MYT1L: variants seen among roughly 807,000 people sequenced by gnomAD.
The protein encoded by MYT1L is myelin transcription factor 1 like, also known as myelin transcription factor 1-like protein.
MYT1L carries 12 observed loss-of-function variants against 126.7 expected under a neutral mutation model. The ratio of observed to expected loss-of-function variants is 0.09; its 90% confidence interval spans 0.06 to 0.15. The LOEUF (loss-of-function observed/expected upper bound fraction) is 0.15. MYT1L is among the 10% of genes least tolerant of loss of function. The pLI is 1.00. For synonymous variants in MYT1L, 541 were observed against 604.2 expected (o/e 0.90, Z 1.53); for missense variants, 979 against 1,585.2 (o/e 0.62, Z 6.49).
chr2:1,925,414 T>G (rs1196484235), intron 9 of MYT1L, among the ~76,000 whole-genome samples: 2 of 152,184 alleles, frequency 1.3e-5, no homozygotes, highest in Admixed American at 1.3e-4. Context: ...CATTGGTCAT[T>G]CTCCACATTC....
chr2:2,230,174 T>A (rs558664134), intron 2 of MYT1L, among the ~76,000 whole-genome samples: 7 of 152,196 alleles, frequency 4.6e-5, no homozygotes, highest in Non-Finnish European at 1.0e-4. Context: ...CATCAGCCAG[T>A]TGAATTTGTT....
At chr2:2,231,897 G>T (rs1231373820) in intron 2 of MYT1L, among the ~76,000 whole-genome samples, 1 of 152,094 alleles carries the variant, frequency 6.6e-6, no homozygotes, top group African/African-American at 2.4e-5. Flanking sequence ...TTTAGATTCT[G>T]GTTTGGTTTG....
At chr2:2,020,764 C>G (rs1443460912) in intron 4 of MYT1L, among the ~76,000 whole-genome samples, 1 of 152,208 alleles carries the variant, frequency 6.6e-6, no homozygotes, top group Non-Finnish European at 1.5e-5. Context: ...CCTAAGAAGG[C>G]TTTTCCTATT....
intron 3 of MYT1L, among the ~76,000 whole-genome samples, chr2:2,092,748 T>C (rs1416671780): frequency 6.6e-6 from 1 of 152,210 alleles, no homozygotes; most frequent in Non-Finnish European, 1.5e-5. Flanking sequence ...CATCCTAGCC[T>C]CCTTGCACTT....
At chr2:2,041,580 T>C (rs2067544215) in intron 4 of MYT1L, among the ~76,000 whole-genome samples, 1 of 152,226 alleles carries the variant, frequency 6.6e-6, no homozygotes, top group Admixed American at 6.5e-5. Flanking sequence ...CTCATGCTTC[T>C]GGGGCAGAGA....
At chr2:1,822,100 C>T (rs1318383855) in intron 21 of MYT1L, among the ~76,000 whole-genome samples, 1 of 152,194 alleles carries the variant, frequency 6.6e-6, no homozygotes, top group African/African-American at 2.4e-5. Context: ...TCTTTCTTCA[C>T]TCTTTCTCTC....
intron 21 of MYT1L, among the ~76,000 whole-genome samples, chr2:1,822,271 G>GTAATCTTATAAA (rs1406167574): frequency 6.6e-5 from 10 of 152,216 alleles, no homozygotes. Context: ...GGGTTTATAA[G>GTAATCTTATAAA]AGGAGAGTGG....
intron 24 of MYT1L, 88 bp from the exon 25 acceptor site, chr2:1,792,095 T>A: frequency 8.1e-7 from 1 of 1,240,504 alleles, no homozygotes; most frequent in Non-Finnish European, 1.1e-6. Flanking sequence ...CATAGCATAG[T>A]GCCCCTGGTT....
intron 4 of MYT1L, among the ~76,000 whole-genome samples, chr2:2,013,369 G>A (rs1453053310): frequency 1.3e-5 from 2 of 152,126 alleles, no homozygotes; most frequent in Non-Finnish European, 2.9e-5. Flanking sequence ...CAGCAATGGT[G>A]TCTGTGGGGC....
At chr2:1,814,182 T>A (rs2037261987) in intron 21 of MYT1L, among the ~76,000 whole-genome samples, 1 of 152,044 alleles carries the variant, frequency 6.6e-6, no homozygotes, top group Non-Finnish European at 1.5e-5. Context: ...AGGCCAGCGA[T>A]CTTCTCTGCC....
intron 2 of MYT1L, among the ~76,000 whole-genome samples, chr2:2,205,128 G>T (rs1240859959): frequency 1.9e-5 from 2 of 103,486 alleles, no homozygotes; most frequent in Non-Finnish European, 3.8e-5. Context: ...GGGGTGGGGG[G>T]AGGGGGGAGG....
intron 23 of MYT1L, among the ~76,000 whole-genome samples, chr2:1,797,386 G>A (rs2033804565): frequency 6.6e-6 from 1 of 152,162 alleles, no homozygotes; most frequent in Admixed American, 6.5e-5. Context: ...ACCACGCTAG[G>A]CTTTTTTGTA....
intron 2 of MYT1L, among the ~76,000 whole-genome samples, chr2:2,219,333 C>T (rs535825330): frequency 6.6e-6 from 1 of 152,286 alleles, no homozygotes; most frequent in South Asian, 2.1e-4. Context: ...TGGCTTTCTG[C>T]ATAAGTTAAG....
chr2:1,938,125 T>C (rs1350951880), intron 9 of MYT1L, among the ~76,000 whole-genome samples: 1 of 152,190 alleles, frequency 6.6e-6, no homozygotes, highest in Non-Finnish European at 1.5e-5. Context: ...AGAAAGCACA[T>C]TGCTAGGCTC....
At chr2:2,094,888 T>C (rs557907350) in intron 3 of MYT1L, among the ~76,000 whole-genome samples, 1 of 152,290 alleles carries the variant, frequency 6.6e-6, no homozygotes, top group African/African-American at 2.4e-5. Context: ...AACCTGCACG[T>C]TGTGCACATG....
intron 3 of MYT1L, among the ~76,000 whole-genome samples, chr2:2,072,523 A>G (rs1210798539): frequency 6.6e-6 from 1 of 152,212 alleles, no homozygotes; most frequent in Non-Finnish European, 1.5e-5. Context: ...TTTGGTTGCT[A>G]TAACAAAATA....
chr2:2,050,833 T>A (rs986192496), intron 4 of MYT1L, among the ~76,000 whole-genome samples: 2 of 152,168 alleles, frequency 1.3e-5, no homozygotes, highest in African/African-American at 4.8e-5. Context: ...TGAGTGTTTC[T>A]GATTCTGAGT....
intron 2 of MYT1L, among the ~76,000 whole-genome samples, chr2:2,201,090 T>A (rs1429061315): frequency 2.3e-4 from 35 of 152,184 alleles, no homozygotes; most frequent in Admixed American, 2.3e-3. Context: ...TACATTGCCA[T>A]GCCAACTACT....
intron 1 of MYT1L, among the ~76,000 whole-genome samples, chr2:2,288,887 ATTC>A (rs1225943030): frequency 6.6e-6 from 1 of 152,242 alleles, no homozygotes; most frequent in Non-Finnish European, 1.5e-5. Flanking sequence ...CCAGGCTTAT[ATTC>A]TTCTTCAAAT....
Sources: gnomAD v4.1 joint callset for allele counts (sites outside exome capture counted in the v4.1 genomes callset) on GRCh38, gnomAD v4.1.1 for gene constraint, MANE v1.5 for transcripts, NCBI Gene and HGNC (gene_info 2026-07-23, HGNC 2026-07-21) for gene names.